The following TNKS variants were observed in gnomAD, a reference collection of about 807,000 sequenced individuals.
The protein encoded by TNKS is tankyrase.
TNKS carries 72 observed loss-of-function variants against 135.8 expected under a neutral mutation model. That is an observed-to-expected ratio of 0.53 (90% CI 0.44 to 0.64). The LOEUF is 0.64. Ranked by LOEUF, TNKS falls within the 30% of genes least tolerant of loss-of-function variation. The probability of loss-of-function intolerance (pLI) is 0.00; values close to 1 mark genes in which losing one functional copy is unlikely to be tolerated. For synonymous variants in TNKS, 849 were observed against 649.3 expected, an observed-to-expected ratio of 1.31 and a Z score of -4.68; for missense variants, 1,769 against 1,674.0, an observed-to-expected ratio of 1.06 and a Z score of -0.99.
At chr8:9,710,120 C>G (rs367762817) in intron 10 of TNKS, 22 bp from the exon 11 acceptor site, 2 of 1,613,102 alleles carry the variant, frequency 1.2e-6, no homozygotes, top group Non-Finnish European at 8.5e-7. Flanking sequence ...ATTACCTTTT[C>G]TTTCTTTCCT....
intron 7 of TNKS, among the ~76,000 whole-genome samples, 177 bp from the exon 8 acceptor site, chr8:9,706,634 A>C (rs1026766871): frequency 3.3e-5 from 5 of 152,270 alleles, no homozygotes; most frequent in African/African-American, 1.2e-4. Flanking sequence ...CCATTGCCTT[A>C]AAATTTTTAA....
chr8:9,680,799 A>C lies in TNKS; in HGVS notation c.1106A>C (p.Lys369Thr), dbSNP rs748189962. ...AATTGCCATGCAAGTGATGGGCGAA[A>C]GGTAAGTTATTTTAAATACAATCCT... ...NVNCHASDGR[K>T]STPLHLAAGY... The change falls in exon 5 of 27, where the codon AAG becomes ACG. Residue 369 changes from lysine to threonine, a missense_variant and splice_region_variant. Physicochemically the swap from Lys to Thr is moderately conservative, Grantham distance 78. Coordinates refer to ENST00000310430, the MANE Select transcript of TNKS (RefSeq NM_003747.3). 1.9e-6 allele frequency: 3 copies of C among 1,611,652 alleles called. No individual in the cohort carries two copies. The highest frequency in any genetic ancestry group is 2.5e-6 in the Non-Finnish European group (3 of 1,178,416).
chr8:9,646,622 C>T (rs758717712), intron 3 of TNKS, among the ~76,000 whole-genome samples: 11 of 152,228 alleles, frequency 7.2e-5, no homozygotes, highest in Admixed American at 7.2e-4. Flanking sequence ...TTATCAGAAA[C>T]TCATGGAATC....
intron 3 of TNKS, among the ~76,000 whole-genome samples, chr8:9,672,829 A>G (rs1057043956): frequency 6.6e-6 from 1 of 151,860 alleles, no homozygotes; most frequent in African/African-American, 2.4e-5. Context: ...AACACATAGC[A>G]TCATAACCTG....
At chr8:9,718,621 G>A (rs7815297) in intron 11 of TNKS, among the ~76,000 whole-genome samples, 135,379 of 151,908 alleles carry the variant, frequency 0.89, 60,568 homozygotes, top group Non-Finnish European at 0.93. Context: ...CATTTTTGCT[G>A]CTCAGTTAGA....
intron 12 of TNKS, among the ~76,000 whole-genome samples, chr8:9,724,293 A>T (rs2128814186): frequency 6.6e-6 from 1 of 152,212 alleles, no homozygotes. Flanking sequence ...CTACTTAAAA[A>T]TTTTTAAAAA....
intron 2 of TNKS, among the ~76,000 whole-genome samples, chr8:9,583,225 A>G (rs1798237283): frequency 6.6e-6 from 1 of 151,794 alleles, no homozygotes; most frequent in Non-Finnish European, 1.5e-5. Context: ...TCTTTCATAG[A>G]TGCTATTTAC....
intron 25 of TNKS, among the ~76,000 whole-genome samples, chr8:9,767,503 G>T (rs1424676595): frequency 3.9e-5 from 6 of 152,204 alleles, no homozygotes; most frequent in Non-Finnish European, 7.3e-5. Flanking sequence ...AAGGATCTCT[G>T]AGGGAGAAAA....
At chr8:9,684,502 A>G (rs1440302226) in intron 5 of TNKS, among the ~76,000 whole-genome samples, 1 of 152,014 alleles carries the variant, frequency 6.6e-6, no homozygotes, top group Non-Finnish European at 1.5e-5. Context: ...TTCCAAAATA[A>G]ATGTCCAAAA....
intron 2 of TNKS, among the ~76,000 whole-genome samples, chr8:9,606,154 G>GT (rs71201957): frequency 0.82 from 90,342 of 110,274 alleles, 38,826 homozygotes; most frequent in Non-Finnish European, 0.92. Flanking sequence ...GTTATTTTGT[G>GT]TTTTTTTTTT....
At chr8:9,714,163 A>T (rs911946678) in intron 11 of TNKS, among the ~76,000 whole-genome samples, 2 of 152,178 alleles carry the variant, frequency 1.3e-5, no homozygotes, top group Non-Finnish European at 2.9e-5. Flanking sequence ...AATACATACA[A>T]ACTTGAGGTT....
chr8:9,727,588 A>T (rs1264302305), intron 13 of TNKS, among the ~76,000 whole-genome samples: 2 of 152,100 alleles, frequency 1.3e-5, no homozygotes, highest in Non-Finnish European at 2.9e-5. Flanking sequence ...TGCCTTTATT[A>T]TTTTTATCGA....
intron 19 of TNKS, 126 bp downstream of exon 19, chr8:9,751,972 C>T: frequency 1.3e-6 from 1 of 782,080 alleles, no homozygotes; most frequent in Non-Finnish European, 2.1e-6. Context: ...TTCATACACA[C>T]AACATCTTAC....
At chr8:9,562,824 T>G (rs1300509104) in intron 1 of TNKS, among the ~76,000 whole-genome samples, 1 of 152,056 alleles carries the variant, frequency 6.6e-6, no homozygotes, top group African/African-American at 2.4e-5. Context: ...CCTTTTTTTT[T>G]TCTTTCTAGA....
At chr8:9,624,915 T>G (rs1800001224) in intron 3 of TNKS, among the ~76,000 whole-genome samples, 1 of 152,158 alleles carries the variant, frequency 6.6e-6, no homozygotes, top group African/African-American at 2.4e-5. Flanking sequence ...AGTAGTTTTG[T>G]TATACTATAT....
Position 9,556,631 on chromosome 8 carries a change from G to C in TNKS, c.673+19G>C, listed in dbSNP as rs1388233861. ...GCTGCAGGTCAGAGACTTTTGAATT[G>C]TTTATTAAGGGTTATGGGTTTGGGT... On this transcript the variant is annotated intron_variant, in intron 1 of 26. Transcript: ENST00000310430. The C allele has an allele frequency of 6.2e-7, 1 of 1,612,420 alleles. No individual in the cohort carries two copies. Among genetic ancestry groups the C allele is most frequent in the Non-Finnish European group, 8.5e-7 (1 of 1,180,010 alleles).
chr8:9,595,492 C>T (rs1387130555), intron 2 of TNKS, among the ~76,000 whole-genome samples: 1 of 151,848 alleles, frequency 6.6e-6, no homozygotes, highest in Non-Finnish European at 1.5e-5. Context: ...TGTGCATTTA[C>T]CTGATAAAAT....
intron 1 of TNKS, among the ~76,000 whole-genome samples, chr8:9,567,885 A>C (rs548638206): frequency 1.3e-5 from 2 of 152,202 alleles, no homozygotes; most frequent in African/African-American, 4.8e-5. Flanking sequence ...TGAACTCTAC[A>C]TTTAAAAATG....
At chr8:9,557,018 G>A in intron 1 of TNKS, 1 of 284,318 alleles carries the variant, frequency 3.5e-6, no homozygotes, top group East Asian at 6.5e-5. Context: ...GACCAAAAGA[G>A]GTTTAATACA....
Sources: gnomAD v4.1 joint callset for allele counts (sites outside exome capture counted in the v4.1 genomes callset) on GRCh38, gnomAD v4.1.1 for gene constraint, MANE v1.5 for transcripts, NCBI Gene and HGNC (gene_info 2026-07-23, HGNC 2026-07-21) for gene names.